Variants in OTOGL observed in about 807,000 individuals in gnomAD.
The protein encoded by OTOGL is otogelin-like protein.
In OTOGL, 285 loss-of-function variants were observed where a neutral mutation model predicts 318.5. The observed-to-expected ratio is 0.89, with a 90% CI of 0.81 to 0.99. The LOEUF (loss-of-function observed/expected upper bound fraction) is 0.99. OTOGL is among the 50% of genes least tolerant of loss of function. The pLI is 0.00. For synonymous variants in OTOGL, 987 were observed against 936.5 expected (o/e 1.05, Z -0.99); for missense variants, 2,899 against 2,845.6 (o/e 1.02, Z -0.43).
At chr12:80,212,293 G>A (rs1405774432) in intron 4 of OTOGL, among the ~76,000 whole-genome samples, 1 of 152,050 alleles carries the variant, frequency 6.6e-6, no homozygotes, top group African/African-American at 2.4e-5. Context: ...AAAATTAGAA[G>A]TAGTTTAAAA....
chr12:80,105,268 G>T (rs1312498760), intron 1 of OTOGL, among the ~76,000 whole-genome samples: 5 of 152,142 alleles, frequency 3.3e-5, no homozygotes, highest in Admixed American at 6.5e-5. Context: ...TGGAGAAAAA[G>T]TCGCATCAAA....
At chr12:80,254,627 A>G (rs922954386) in intron 15 of OTOGL, 57 bp downstream of exon 15, 1 of 1,374,600 alleles carries the variant, frequency 7.3e-7, no homozygotes, top group Non-Finnish European at 1.0e-6. Context: ...GACTGGGGAG[A>G]AAGATAGCAC....
In OTOGL at chr12:80,187,387, G is replaced by A. The variant is rs138815093; in HGVS notation, c.-19-22026G>A. On this transcript the variant is annotated intron_variant, in intron 1 of 58. Transcript: ENST00000547103. ...CCAATCTGTGGCCATACCTGAGCCA[G>A]TCCTGAAGATCCAGCAGAAATATGG... Among the ~76,000 whole-genome samples the A allele has an allele frequency of 1.8e-3, 276 of 152,218 alleles. 2 individuals carry two copies. Among genetic ancestry groups the A allele is most frequent in the African/African-American group, 6.5e-3 (269 of 41,528 alleles).
At chr12:80,135,807 A>G (rs1397007188) in intron 1 of OTOGL, among the ~76,000 whole-genome samples, 3 of 152,198 alleles carry the variant, frequency 2.0e-5, no homozygotes, top group African/African-American at 7.2e-5. Flanking sequence ...ATTGCCTTCC[A>G]TAAGGTGGGT....
intron 1 of OTOGL, among the ~76,000 whole-genome samples, chr12:80,115,417 C>A (rs1040178798): frequency 1.3e-5 from 2 of 152,168 alleles, no homozygotes; most frequent in African/African-American, 4.8e-5. Context: ...CTGGGTATCA[C>A]CCGCTGAGGC....
At chr12:80,149,722 T>C (rs1414121570) in intron 1 of OTOGL, among the ~76,000 whole-genome samples, 4 of 152,194 alleles carry the variant, frequency 2.6e-5, no homozygotes, top group Admixed American at 6.5e-5. Context: ...TCATCGAGAC[T>C]CCATGGGCGT....
chr12:80,229,364 A>C lies in OTOGL; in HGVS notation c.597A>C (p.Lys199Asn). The change falls in exon 8 of 59, where the codon AAA becomes AAC. Residue 199 changes from lysine to asparagine, a missense_variant. Lys to Asn is a moderately conservative substitution (Grantham distance 94). Coordinates refer to ENST00000547103, the MANE Select transcript of OTOGL (RefSeq NM_001378609.3). Reference sequence around the variant, plus strand: ...TTCGAATTTATGGTCATGAAATAAAAAAGAATGGAATCAGGTAGGATATGG... The same window carrying C: ...TTCGAATTTATGGTCATGAAATAAACAAGAATGGAATCAGGTAGGATATGG... ...EEIRIYGHEI[K>N]KNGISLTLPQ... 1 of 1,595,338 alleles carries C rather than the reference A, an allele frequency of 6.3e-7. No individual in the cohort carries two copies. The highest frequency in any genetic ancestry group is 8.5e-7 in the Non-Finnish European group (1 of 1,176,174).
intron 26 of OTOGL, among the ~76,000 whole-genome samples, chr12:80,283,963 A>G (rs1884424653): frequency 1.3e-5 from 2 of 151,886 alleles, no homozygotes; most frequent in African/African-American, 4.8e-5. Flanking sequence ...ACACCCATCA[A>G]CCTGTCATCT....
At chr12:80,251,634 T>C (rs985504976) in intron 11 of OTOGL, 59 bp from the exon 12 acceptor site, 8 of 1,347,610 alleles carry the variant, frequency 5.9e-6, no homozygotes, top group Non-Finnish European at 8.3e-6. Context: ...AGGACCTCAA[T>C]GGTATGGTTT....
chr12:80,158,531 T>C (rs7967792), intron 1 of OTOGL, among the ~76,000 whole-genome samples: 3,787 of 152,122 alleles, frequency 0.025, 158 homozygotes, highest in African/African-American at 0.087. Flanking sequence ...TGAGTATAAA[T>C]AAAGTCATAT....
intron 1 of OTOGL, among the ~76,000 whole-genome samples, chr12:80,180,666 C>T (rs973931469): frequency 2.0e-5 from 3 of 152,158 alleles, no homozygotes; most frequent in African/African-American, 4.8e-5. Context: ...TCCAAAAGAC[C>T]TAAAAGGTGT....
intron 30 of OTOGL, 114 bp downstream of exon 30, chr12:80,310,841 C>T (rs994943556): frequency 2.7e-6 from 2 of 751,634 alleles, no homozygotes; most frequent in African/African-American, 3.5e-5. Context: ...GATATACCAC[C>T]TAACTATTGT....
chr12:80,172,301 G>A (rs1565887418), intron 1 of OTOGL, among the ~76,000 whole-genome samples: 2 of 148,654 alleles, frequency 1.3e-5, no homozygotes, highest in Admixed American at 1.3e-4. Context: ...CCTCCTTTGA[G>A]CCCCTAGAGT....
chr12:80,200,257 A>G (rs1204295734), intron 1 of OTOGL, among the ~76,000 whole-genome samples: 3 of 152,216 alleles, frequency 2.0e-5, no homozygotes, highest in African/African-American at 7.2e-5. Flanking sequence ...AGTAGTTAAG[A>G]GTGGGAGCAC....
rs1338514455 is a variant in OTOGL at position 80,278,242 on chromosome 12, CAGG to C, written c.2759_2761del (p.Gly920del). 1.3e-6 allele frequency: 2 copies of C among 1,545,698 alleles called. No individual in the cohort carries two copies. Among genetic ancestry groups the C allele is most frequent in the Non-Finnish European group, 1.7e-6 (2 of 1,143,340 alleles). ...ATTTGGAAAGATTGGGAGTATCTCT[CAGG>C]AGAAGTGATTGCTACACCGTGTTAC... On this transcript the variant is annotated inframe_deletion, in exon 25 of 59. Transcript: ENST00000547103.
chr12:80,358,922 G>T lies in OTOGL; in HGVS notation c.6267+22G>T. The T allele has an allele frequency of 2.1e-6, 3 of 1,442,052 alleles. No individual in the cohort carries two copies. The South Asian group carries it at 3.8e-5, about 18-fold the overall frequency. 89.3% of individuals were successfully genotyped at this position (1,442,052 alleles called of 1,614,324 possible). A position where few individuals can be genotyped will look rare whatever the true frequency, so the allele number is the denominator to read the frequency against. On this transcript the variant is annotated intron_variant, in intron 52 of 58. Coordinates refer to ENST00000547103, the MANE Select transcript of OTOGL (RefSeq NM_001378609.3). Reference sequence around the variant, plus strand: ...AGTGGTAAGAACACATATTTTGATTGACTTGTCATATTTATTTAAATCTGT... The same window carrying T: ...AGTGGTAAGAACACATATTTTGATTTACTTGTCATATTTATTTAAATCTGT...
intron 26 of OTOGL, among the ~76,000 whole-genome samples, chr12:80,295,252 C>T (rs1255264466): frequency 7.1e-6 from 1 of 140,870 alleles, no homozygotes; most frequent in African/African-American, 2.7e-5. Flanking sequence ...TCTCAGCTTA[C>T]TGCAACTTCA....
At chr12:80,272,327 C>T (rs1883469989) in intron 24 of OTOGL, among the ~76,000 whole-genome samples, 1 of 150,248 alleles carries the variant, frequency 6.7e-6, no homozygotes, top group Non-Finnish European at 1.5e-5. Context: ...TTTTAAGCCT[C>T]AATTAGGCAT....
At chr12:80,239,020 C>T in intron 10 of OTOGL, 42 bp downstream of exon 10, 1 of 1,547,126 alleles carries the variant, frequency 6.5e-7, no homozygotes, top group Non-Finnish European at 8.7e-7. Flanking sequence ...AGACAGAATA[C>T]ACATATATCT....
Sources: gnomAD v4.1 joint callset for allele counts (sites outside exome capture counted in the v4.1 genomes callset) on GRCh38, gnomAD v4.1.1 for gene constraint, MANE v1.5 for transcripts, NCBI Gene and HGNC (gene_info 2026-07-23, HGNC 2026-07-21) for gene names.